The following APBA2 variants were observed in gnomAD, a reference collection of about 807,000 sequenced individuals.
APBA2 encodes the protein amyloid-beta A4 precursor protein-binding family A member 2.
Under a neutral mutation model 75.0 loss-of-function variants are expected in APBA2, and 30 were observed. That is an observed-to-expected ratio of 0.40 (90% CI 0.30 to 0.54). APBA2 has a LOEUF of 0.54. APBA2 is among the 20% of genes least tolerant of loss of function. The probability of loss-of-function intolerance (pLI) is 0.49; values close to 1 mark genes in which losing one functional copy is unlikely to be tolerated. For missense variants in APBA2, 801 were observed against 1,016.1 expected (o/e 0.79, Z 2.88); for synonymous variants, 444 against 409.6 (o/e 1.08, Z -1.01).
intron 2 of APBA2, among the ~76,000 whole-genome samples, chr15:28,940,036 G>A (rs1035692633): frequency 6.6e-5 from 10 of 152,182 alleles, no homozygotes; most frequent in East Asian, 1.9e-4. Context: ...AAAAAGTCCC[G>A]TGTGGTTTCC....
At chr15:28,915,926 C>CATA (rs1226177839) in intron 1 of APBA2, among the ~76,000 whole-genome samples, 1 of 151,928 alleles carries the variant, frequency 6.6e-6, no homozygotes, top group Non-Finnish European at 1.5e-5. Flanking sequence ...ACAGTTACCA[C>CATA]ATACACACCA....
intron 14 of APBA2, among the ~76,000 whole-genome samples, chr15:29,115,173 G>A (rs2045015530): frequency 6.6e-6 from 1 of 151,410 alleles, no homozygotes. Flanking sequence ...GACAGCAGCA[G>A]CAGGCCGGGC....
intron 1 of APBA2, among the ~76,000 whole-genome samples, chr15:28,894,263 C>T (rs1359598185): frequency 6.6e-6 from 1 of 152,146 alleles, no homozygotes; most frequent in Non-Finnish European, 1.5e-5. Flanking sequence ...ATCCATCCAC[C>T]CATCTACTCA....
Position 29,052,454 on chromosome 15 carries a change from C to CAAAAACAAAAAA in APBA2, c.-40-1386_-40-1385insCAAAAAAAAAAA, listed in dbSNP as rs2041642949. 2.9e-5 allele frequency among the ~76,000 whole-genome samples: 3 copies of CAAAAACAAAAAA among 103,166 alleles called. No homozygotes were observed. In the South Asian group the frequency reaches 8.9e-4, roughly 31 times the overall value. The allele number at this position is 103,166 out of a possible 152,430, so 67.7% of individuals were successfully genotyped here. Reference sequence around the variant, plus strand: ...TGGGCGACAGAGCGAGACTCCATCTCAAAAAAAAAAAAAAGAAGTAGAACG... The same window carrying CAAAAACAAAAAA: ...TGGGCGACAGAGCGAGACTCCATCTCAAAAACAAAAAAAAAAAAAAAAAAAAGAAGTAGAACG... On this transcript the variant is annotated intron_variant, in intron 3 of 14. Coordinates refer to ENST00000683413, the MANE Select transcript of APBA2 (RefSeq NM_001353788.2).
chr15:28,971,907 A>G (rs1368510229), intron 2 of APBA2, among the ~76,000 whole-genome samples: 2 of 152,206 alleles, frequency 1.3e-5, no homozygotes, highest in African/African-American at 4.8e-5. Context: ...AGAAAAAGAA[A>G]TAGAAAATGT....
rs142092785 is a variant in APBA2, at chr15:29,070,539, C to T, written c.952-4382C>T. Reference sequence around the variant, plus strand: ...CAAATACTCTATCCAAGCTTCCATTCTCCTCAAGATAAACATCACAGGAGT... The same window carrying T: ...CAAATACTCTATCCAAGCTTCCATTTTCCTCAAGATAAACATCACAGGAGT... On this transcript the variant is annotated intron_variant, in intron 4 of 14. Transcript: ENST00000683413. The T allele has an allele frequency of 7.8e-5, 12 of 153,844 alleles. No individual in the cohort carries two copies. The East Asian group carries it at 1.9e-3, about 25-fold the overall frequency. The allele number at this position is 153,844 out of a possible 1,614,324, so 9.5% of individuals were successfully genotyped here. A position where few individuals can be genotyped will look rare whatever the true frequency, so the allele number is the denominator to read the frequency against.
intron 2 of APBA2, among the ~76,000 whole-genome samples, chr15:28,957,982 G>T (rs2036264036): frequency 6.6e-6 from 1 of 152,192 alleles, no homozygotes; most frequent in African/African-American, 2.4e-5. Context: ...CAGAGGAGCC[G>T]AGACAGGCGG....
At chr15:28,957,506 TC>T (rs1348590198) in intron 2 of APBA2, among the ~76,000 whole-genome samples, 2 of 152,224 alleles carry the variant, frequency 1.3e-5, no homozygotes, top group Admixed American at 1.3e-4. Context: ...CATTTTACAT[TC>T]CTACCCACCG....
intron 3 of APBA2, among the ~76,000 whole-genome samples, chr15:28,996,153 T>G (rs1376938795): frequency 6.6e-6 from 1 of 152,170 alleles, no homozygotes; most frequent in Non-Finnish European, 1.5e-5. Flanking sequence ...ACTCAGTCAT[T>G]GATTTGTGTA....
intron 3 of APBA2, among the ~76,000 whole-genome samples, chr15:29,011,476 C>T (rs980718924): frequency 9.9e-5 from 15 of 150,962 alleles, no homozygotes; most frequent in African/African-American, 1.5e-4. Context: ...TTGCTTACCC[C>T]GTAGTCAGGA....
At position 29,072,269 on chromosome 15, in the gene APBA2, G is replaced by A. The variant is rs367815999; in HGVS notation, c.952-2652G>A. On this transcript the variant is annotated intron_variant, in intron 4 of 14. Transcript: ENST00000683413. ...CTAGTAAGGCAGGGAAGGCCTCCAG[G>A]AACCCAAGTCCATGCAGAAGGGCAC... is the stretch of plus-strand genomic sequence containing the variant. 3.7e-4 allele frequency among the ~76,000 whole-genome samples: 57 copies of A among 152,258 alleles called. No homozygotes were observed. The South Asian group carries it at 6.4e-3, about 17-fold the overall frequency.
At chr15:28,916,070 C>T (rs1424243030) in intron 1 of APBA2, among the ~76,000 whole-genome samples, 5 of 152,252 alleles carry the variant, frequency 3.3e-5, no homozygotes, top group Admixed American at 6.5e-5. Flanking sequence ...ATACTGCCCC[C>T]GCCTGCGCAC....
intron 1 of APBA2, among the ~76,000 whole-genome samples, chr15:28,919,104 C>T (rs1047457802): frequency 6.6e-6 from 1 of 152,212 alleles, no homozygotes; most frequent in African/African-American, 2.4e-5. Context: ...TCGTGATCCG[C>T]CCACCTAGGC....
intron 1 of APBA2, among the ~76,000 whole-genome samples, chr15:28,904,085 C>T (rs1288189353): frequency 1.1e-4 from 17 of 152,172 alleles, no homozygotes; most frequent in Admixed American, 1.1e-3. Context: ...AGAGAGAACA[C>T]TTTTATTTAA....
At chr15:28,927,728 T>C (rs1437887631) in intron 2 of APBA2, among the ~76,000 whole-genome samples, 2 of 151,698 alleles carry the variant, frequency 1.3e-5, no homozygotes, top group African/African-American at 4.8e-5. Flanking sequence ...TGCCCGGTCT[T>C]CCCACCATTC....
chr15:29,054,013 C>T lies in APBA2; in HGVS notation c.129C>T (p.Pro43=), dbSNP rs761723488. 9.9e-6 allele frequency: 16 copies of T among 1,613,856 alleles called. No individual in the cohort carries two copies. The highest frequency in any genetic ancestry group is 3.3e-5 in the Admixed American group (2 of 60,016). The change falls in exon 4 of 15, where the codon CCC becomes CCT. Residue 43 remains proline, a synonymous_variant. Transcript: ENST00000683413. This position sits in a 1 kb window ranked among gnomAD's most constrained non-coding sequence, Gnocchi z 6.1. ...AGCTGCCCTTGGAGGGCTATGTGCC[C>T]GAGGGCCTGGAGCTGGCTGCCCTGC... ...DMELPLEGYV[P]EGLELAALRP... is the part of the protein sequence containing the mutation.
intron 6 of APBA2, among the ~76,000 whole-genome samples, chr15:29,090,764 G>A (rs550333543): frequency 1.2e-4 from 19 of 152,186 alleles, no homozygotes; most frequent in Admixed American, 6.5e-5. Context: ...GGCTTCACTG[G>A]GGGGTGCCTG....
At chr15:29,109,788 C>T (rs2044630883) in intron 13 of APBA2, among the ~76,000 whole-genome samples, 1 of 152,260 alleles carries the variant, frequency 6.6e-6, no homozygotes, top group African/African-American at 2.4e-5. Flanking sequence ...GGATTCCCCT[C>T]AAAAGGTGCT....
Position 29,101,677 on chromosome 15 carries a change from C to T in APBA2, c.1417C>T (p.Arg473Cys), listed in dbSNP as rs202208854. 2.8e-5 allele frequency: 45 copies of T among 1,613,706 alleles called. No homozygotes were observed. The highest frequency in any genetic ancestry group is 3.1e-5 in the Non-Finnish European group (37 of 1,180,014). Residue 473 changes from arginine to cysteine, a missense_variant, in exon 10 of 15, where the codon CGC becomes TGC. Around this residue, in one of 2 missense-constraint regions of APBA2, gnomAD observed 367 missense variants for 544.5 expected, o/e 0.67. Transcript: ENST00000683413. ...GAACATTGTAGTGCTGATGGCCAGA[C>T]GCCGCATGCCCCGGTCAGCCTCTCA... ...IGNIVVLMAR[R>C]RMPRSASQDC...
Sources: allele counts gnomAD v4.1 joint callset (sites outside exome capture counted in the v4.1 genomes callset), GRCh38; gene constraint gnomAD v4.1.1; regional missense constraint gnomAD v4.1.1; non-coding constraint Gnocchi (gnomAD v3.1); transcripts MANE v1.5; gene names NCBI Gene and HGNC (gene_info 2026-07-23, HGNC 2026-07-21).